The following WDR17 variants were observed in gnomAD, a reference collection of about 807,000 sequenced individuals.
The protein encoded by WDR17 is WD repeat-containing protein 17.
WDR17 carries 143 observed loss-of-function variants against 161.7 expected under a neutral mutation model. The ratio of observed to expected loss-of-function variants is 0.88; its 90% CI spans 0.77 to 1.02. WDR17 has a LOEUF of 1.02. Among genes scored for constraint, WDR17 ranks in the 50% least tolerant of loss-of-function variants. The pLI is 0.00. For missense variants in WDR17, 1,469 were observed against 1,520.9 expected, an observed-to-expected ratio of 0.97 and a Z score of 0.57; for synonymous variants, 517 against 515.6, an observed-to-expected ratio of 1.00 and a Z score of -0.04.
At chr4:176,101,901 G>A (rs1173644904) in intron 1 of WDR17, among the ~76,000 whole-genome samples, 1 of 152,110 alleles carries the variant, frequency 6.6e-6, no homozygotes, top group East Asian at 1.9e-4. Flanking sequence ...AGAACTACAT[G>A]TAAAATGCAA....
intron 26 of WDR17, among the ~76,000 whole-genome samples, chr4:176,175,192 G>A (rs1176167490): frequency 6.6e-6 from 1 of 152,192 alleles, no homozygotes; most frequent in Non-Finnish European, 1.5e-5. Context: ...ATTCAGGAAG[G>A]AAAGTCCTCC....
At chr4:176,080,561 C>A (rs937625824) in intron 1 of WDR17, among the ~76,000 whole-genome samples, 2 of 152,088 alleles carry the variant, frequency 1.3e-5, no homozygotes, top group African/African-American at 4.8e-5. Flanking sequence ...TGTGATCCAA[C>A]GTGGCAGCTA....
Position 176,160,961 on chromosome 4 carries a change from A to T in WDR17, c.2709A>T (p.Gly903=), listed in dbSNP as rs940813642. The T allele has an allele frequency of 1.2e-6, 2 of 1,611,022 alleles. No individual in the cohort carries two copies. Among genetic ancestry groups the T allele is most frequent in the Admixed American group, 1.7e-5 (1 of 59,692 alleles). Residue 903 remains glycine, a synonymous_variant, in exon 20 of 29, where the codon GGA becomes GGT. Transcript: ENST00000508596. ...CCTTACATGTTTCCGTGCCTAAAGGAGCTTCATATTCTGATGATATCTACA... is the reference window on the plus strand; with the variant it reads ...CCTTACATGTTTCCGTGCCTAAAGGTGCTTCATATTCTGATGATATCTACA... ...MQPLHVSVPK[G]ASYSDDIYKE...
At chr4:176,070,087 T>A (rs973767166) in intron 1 of WDR17, among the ~76,000 whole-genome samples, 1 of 152,242 alleles carries the variant, frequency 6.6e-6, no homozygotes. Context: ...ATAAAAATTA[T>A]GTTCTCAAAA....
In WDR17 at chr4:176,177,485, C is replaced by G; in HGVS notation, c.3563C>G (p.Ser1188Cys). The change falls in exon 28 of 29, where the codon TCT becomes TGT. Residue 1188 changes from serine to cysteine, a missense_variant. Transcript: ENST00000508596. ...TQSTNRSLEDSPYTPPSDSQR... is the reference protein window; with the variant it reads ...TQSTNRSLEDCPYTPPSDSQR... ...TGAAAATATAGATCATTAGAAGACTCTCCGTATACACCCCCTTCTGATTCA... is the reference window on the plus strand; with the variant it reads ...TGAAAATATAGATCATTAGAAGACTGTCCGTATACACCCCCTTCTGATTCA... 1 of 1,562,334 alleles carries G rather than the reference C, an allele frequency of 6.4e-7. No homozygotes were observed. The highest frequency in any genetic ancestry group is 8.6e-7 in the Non-Finnish European group (1 of 1,163,198).
At chr4:176,076,302 G>T (rs779009905) in intron 1 of WDR17, among the ~76,000 whole-genome samples, 18 of 136,808 alleles carry the variant, frequency 1.3e-4, no homozygotes, top group Non-Finnish European at 2.4e-4. Flanking sequence ...ATGTGTATCT[G>T]TATGTATATA....
chr4:176,126,796 A>G (rs901529673), intron 5 of WDR17, among the ~76,000 whole-genome samples: 1 of 152,100 alleles, frequency 6.6e-6, no homozygotes, highest in African/African-American at 2.4e-5. Flanking sequence ...GCCACAGTTT[A>G]CCCTATGCTG....
chr4:176,145,881 C>A, intron 11 of WDR17, 114 bp from the exon 12 acceptor site: 1 of 958,524 alleles, frequency 1.0e-6, no homozygotes, highest in Non-Finnish European at 1.5e-6. Context: ...TTTAGTCTAA[C>A]TTCACTAAGG....
intron 1 of WDR17, among the ~76,000 whole-genome samples, chr4:176,071,212 T>A (rs60359659): frequency 0.016 from 2,418 of 152,194 alleles, 61 homozygotes; most frequent in African/African-American, 0.054. Context: ...TTGTATCTTT[T>A]TATGACAAAT....
In WDR17 at chr4:176,142,021, A is replaced by G; in HGVS notation, c.1481A>G (p.Tyr494Cys). ...RTIDGKVLHK[Y>C]KHPAAVFGCD... ...ATTGATGGTAAAGTGCTACACAAAT[A>G]TAAACATCCAGCTGCAGTGTTTGGT... Residue 494 changes from tyrosine (Y) to cysteine (C), a missense_variant, in exon 11 of 29, where the codon TAT (tyrosine) becomes TGT (cysteine). By Grantham distance (194) the Tyr-to-Cys change is radical. Coordinates refer to ENST00000508596, the MANE Select transcript of WDR17 (RefSeq NM_181265.4). The G allele has an allele frequency of 1.9e-6, 3 of 1,610,412 alleles. No individual in the cohort carries two copies. The highest frequency in any genetic ancestry group is 1.1e-5 in the South Asian group (1 of 90,308).
intron 1 of WDR17, among the ~76,000 whole-genome samples, chr4:176,089,896 T>G (rs914542304): frequency 4.6e-5 from 7 of 152,132 alleles, no homozygotes; most frequent in Admixed American, 4.6e-4. Flanking sequence ...CTTTTACTCC[T>G]TCTCCATTGT....
chr4:176,170,475 C>G (rs571012857), intron 23 of WDR17, among the ~76,000 whole-genome samples: 1 of 152,122 alleles, frequency 6.6e-6, no homozygotes, highest in East Asian at 1.9e-4. Flanking sequence ...ACCATCACAC[C>G]CAGCTAATTT....
intron 6 of WDR17, among the ~76,000 whole-genome samples, chr4:176,130,464 G>A (rs1292890545): frequency 1.3e-4 from 20 of 152,072 alleles, no homozygotes; most frequent in Admixed American, 1.3e-3. Context: ...CTGAGAAATG[G>A]CCGGGCGCGG....
At chr4:176,102,426 A>G (rs1332299953) in intron 1 of WDR17, among the ~76,000 whole-genome samples, 1 of 152,230 alleles carries the variant, frequency 6.6e-6, no homozygotes, top group Non-Finnish European at 1.5e-5. Context: ...CTTATGGAAG[A>G]CAGTTTGATG....
At chr4:176,076,263 A>ACG (rs1419797348) in intron 1 of WDR17, among the ~76,000 whole-genome samples, 1 of 91,310 alleles carries the variant, frequency 1.1e-5, no homozygotes, top group African/African-American at 3.2e-5. Context: ...ATACACACAC[A>ACG]CACACATATA....
rs373122402 is a variant in WDR17, at chr4:176,167,584, C to T, written c.2991-1088C>T. 4.6e-3 allele frequency among the ~76,000 whole-genome samples: 594 copies of T among 129,008 alleles called. 6 individuals carry two copies. Among genetic ancestry groups the T allele is most frequent in the Non-Finnish European group, 7.0e-3 (446 of 63,912 alleles). The allele number at this position is 129,008 out of a possible 152,430, so 84.6% of individuals were successfully genotyped here. The stretch of plus-strand genomic sequence containing the variant: ...TGGCGTGAACCCCAGGGGGCGGAGC[C>T]TGCAGTGAGCCGAGATTGCGCCACT... On this transcript the variant is annotated intron_variant, in intron 22 of 28. Coordinates refer to ENST00000508596, the MANE Select transcript of WDR17 (RefSeq NM_181265.4).
chr4:176,087,563 A>G (rs748758166), intron 1 of WDR17, among the ~76,000 whole-genome samples: 8 of 151,964 alleles, frequency 5.3e-5, no homozygotes, highest in Non-Finnish European at 1.0e-4. Context: ...CTCATTCTTT[A>G]TCTCTCTTTG....
chr4:176,145,417 G>T (rs59665976), intron 11 of WDR17, among the ~76,000 whole-genome samples: 2,440 of 152,256 alleles, frequency 0.016, 61 homozygotes, highest in African/African-American at 0.054. Flanking sequence ...GCATCTTAAA[G>T]AAGGGAAGCC....
intron 1 of WDR17, among the ~76,000 whole-genome samples, chr4:176,095,276 G>A (rs1330597448): frequency 6.6e-6 from 1 of 152,154 alleles, no homozygotes; most frequent in Non-Finnish European, 1.5e-5. Context: ...GAAACTAGAA[G>A]AGCAGGGCAG....
Sources: allele counts gnomAD v4.1 joint callset (sites outside exome capture counted in the v4.1 genomes callset), GRCh38; gene constraint gnomAD v4.1.1; transcripts MANE v1.5; gene names NCBI Gene and HGNC (gene_info 2026-07-23, HGNC 2026-07-21).